Variants in CXCL13 observed in about 807,000 individuals in gnomAD.
The protein encoded by CXCL13 is C-X-C motif chemokine ligand 13.
Under a neutral mutation model 12.2 loss-of-function variants are expected in CXCL13, and 7 were observed. The observed-to-expected ratio is 0.57, with a 90% CI of 0.33 to 1.07. CXCL13 has a LOEUF of 1.07. Ranked by LOEUF, CXCL13 falls within the 50% of genes least tolerant of loss-of-function variation. The pLI is 0.04. For synonymous variants in CXCL13, 47 were observed against 42.4 expected (o/e 1.11, Z -0.42); for missense variants, 113 against 127.4 (o/e 0.89, Z 0.55).
rs140186943 is a variant in CXCL13, at chr4:77,518,842, C to T, written c.-43+7054C>T. On this transcript the variant is annotated intron_variant, in intron 1 of 4. Coordinates refer to the CXCL13 transcript ENST00000286758. Reference sequence around the variant, plus strand: ...TTGTTCCATTGCTGGTGAGGAACTGCGATCCTTTGGAGAAGGAGAGGTGCT... The same window carrying T: ...TTGTTCCATTGCTGGTGAGGAACTGTGATCCTTTGGAGAAGGAGAGGTGCT... Among the ~76,000 whole-genome samples the T allele has an allele frequency of 8.4e-3, 1,277 of 152,290 alleles. 14 individuals carry two copies. Among genetic ancestry groups the T allele is most frequent in the African/African-American group, 0.029 (1,218 of 41,550 alleles).
chr4:77,544,593 G>T (rs1002401348), intron 1 of CXCL13, among the ~76,000 whole-genome samples: 11 of 152,112 alleles, frequency 7.2e-5, no homozygotes, highest in Non-Finnish European at 1.3e-4. Flanking sequence ...TGATGGGGTT[G>T]TTTGATTTTT....
At chr4:77,604,900 G>A (rs986886770), upstream of CXCL13, among the ~76,000 whole-genome samples, 13 of 152,134 alleles carry the variant, frequency 8.5e-5, no homozygotes, top group African/African-American at 2.9e-4. Flanking sequence ...TTCCAGGGCA[G>A]TTTAGTGGTA....
At chr4:77,542,323 C>A (rs1285537694) in intron 1 of CXCL13, among the ~76,000 whole-genome samples, 1 of 152,016 alleles carries the variant, frequency 6.6e-6, no homozygotes, top group Non-Finnish European at 1.5e-5. Flanking sequence ...TTTGCTTTTT[C>A]AGTATAATGT....
chr4:77,602,211 A>C (rs2109835768), upstream of CXCL13, among the ~76,000 whole-genome samples: 1 of 152,302 alleles, frequency 6.6e-6, no homozygotes, highest in East Asian at 1.9e-4. Flanking sequence ...TGTTTTAGTG[A>C]CATTTCACTT....
In CXCL13 at chr4:77,578,139, C is replaced by T. The variant is rs115564041; in HGVS notation, c.-42-27685C>T. Among the ~76,000 whole-genome samples, 731 of 152,316 alleles carry T rather than the reference C, an allele frequency of 4.8e-3. 3 individuals carry two copies. Among genetic ancestry groups the T allele is most frequent in the African/African-American group, 0.016 (657 of 41,566 alleles). On this transcript the variant is annotated intron_variant, in intron 1 of 4. Coordinates refer to the CXCL13 transcript ENST00000286758. ...AGTCAGGATTTTGGCCTCCCTCTCCCTGTGCAAACTGGTAAAAGGCCTCAG... is the reference window on the plus strand; with the variant it reads ...AGTCAGGATTTTGGCCTCCCTCTCCTTGTGCAAACTGGTAAAAGGCCTCAG...
At chr4:77,577,840 A>G (rs1158258124) in intron 1 of CXCL13, among the ~76,000 whole-genome samples, 1 of 152,152 alleles carries the variant, frequency 6.6e-6, no homozygotes, top group African/African-American at 2.4e-5. Flanking sequence ...CTAGATGAGT[A>G]GCTATTCACC....
intron 1 of CXCL13, among the ~76,000 whole-genome samples, chr4:77,568,296 G>A (rs1454574247): frequency 2.0e-5 from 3 of 152,162 alleles, no homozygotes; most frequent in Non-Finnish European, 4.4e-5. Flanking sequence ...GTGGCCACGA[G>A]ACTTCTAGCT....
chr4:77,605,186 G>A (rs1198014275), upstream of CXCL13, among the ~76,000 whole-genome samples: 1 of 152,110 alleles, frequency 6.6e-6, no homozygotes, highest in Non-Finnish European at 1.5e-5. Context: ...CCTTCATGCA[G>A]ACACAGGCAC....
intron 1 of CXCL13, among the ~76,000 whole-genome samples, chr4:77,512,321 A>G (rs959862329): frequency 1.3e-5 from 2 of 152,208 alleles, no homozygotes; most frequent in African/African-American, 4.8e-5. Flanking sequence ...AGTATCAAAG[A>G]GTAAATTTAT....
Position 77,534,815 on chromosome 4 carries a change from C to A in CXCL13, c.-43+23027C>A, listed in dbSNP as rs372939490. On this transcript the variant is annotated intron_variant, in intron 1 of 4. Coordinates refer to the CXCL13 transcript ENST00000286758. ...GGACCATAAAGAAGCTTCAGGACCT[C>A]CTCTTTGCTTCTACAATTCCATGAC... Among the ~76,000 whole-genome samples, 35 of 152,272 alleles carry A rather than the reference C, an allele frequency of 2.3e-4. No individual in the cohort carries two copies. The South Asian group carries it at 7.3e-3, about 32-fold the overall frequency.
intron 1 of CXCL13, among the ~76,000 whole-genome samples, chr4:77,590,305 T>C (rs929121576): frequency 3.3e-5 from 5 of 152,156 alleles, no homozygotes; most frequent in East Asian, 1.9e-4. Flanking sequence ...TAAAAGTCTT[T>C]CTCTTCCCAG....
At chr4:77,553,663 C>A (rs1032286367) in intron 1 of CXCL13, among the ~76,000 whole-genome samples, 1 of 152,198 alleles carries the variant, frequency 6.6e-6, no homozygotes, top group African/African-American at 2.4e-5. Flanking sequence ...ACCCCTTCTC[C>A]TCCCTGGGAT....
At chr4:77,596,483 A>C (rs1441369919) in intron 1 of CXCL13, among the ~76,000 whole-genome samples, 2 of 152,184 alleles carry the variant, frequency 1.3e-5, no homozygotes, top group African/African-American at 4.8e-5. Context: ...ACACCCAAAC[A>C]AAATGAAATC....
At chr4:77,553,819 A>T (rs116248684) in intron 1 of CXCL13, among the ~76,000 whole-genome samples, 1,609 of 152,046 alleles carry the variant, frequency 0.011, 17 homozygotes, top group African/African-American at 0.034. Flanking sequence ...GAAAAAATAA[A>T]TTTTTTTTTA....
At chr4:77,533,040 A>G (rs893448300) in intron 1 of CXCL13, among the ~76,000 whole-genome samples, 1 of 152,080 alleles carries the variant, frequency 6.6e-6, no homozygotes, top group Non-Finnish European at 1.5e-5. Context: ...TCAAATCATC[A>G]TGGTCATTCT....
chr4:77,562,087 G>A (rs1725828582), intron 1 of CXCL13, among the ~76,000 whole-genome samples: 2 of 152,228 alleles, frequency 1.3e-5, no homozygotes, highest in Middle Eastern at 3.4e-3. Flanking sequence ...TTCTCGCGGG[G>A]CCTCAGCTGC....
At chr4:77,550,374 C>T (rs570103140) in intron 1 of CXCL13, among the ~76,000 whole-genome samples, 21 of 152,266 alleles carry the variant, frequency 1.4e-4, no homozygotes, top group African/African-American at 2.9e-4. Flanking sequence ...CCCAATGAGA[C>T]GAACCCAGTA....
At chr4:77,562,925 G>A (rs1202787434) in intron 1 of CXCL13, among the ~76,000 whole-genome samples, 2 of 152,160 alleles carry the variant, frequency 1.3e-5, no homozygotes, top group Admixed American at 1.3e-4. Flanking sequence ...CCAGATAAGG[G>A]AATAAAAGCA....
chr4:77,543,926 T>G (rs1403459259), intron 1 of CXCL13, among the ~76,000 whole-genome samples: 1 of 152,134 alleles, frequency 6.6e-6, no homozygotes, highest in African/African-American at 2.4e-5. Context: ...GGTCCCGGTG[T>G]GTGATGTTCC....
Sources: allele counts gnomAD v4.1 joint callset (sites outside exome capture counted in the v4.1 genomes callset), GRCh38; gene constraint gnomAD v4.1.1; transcripts MANE v1.5; gene names NCBI Gene and HGNC (gene_info 2026-07-23, HGNC 2026-07-21).